The following DGKG variants were observed in gnomAD, a reference collection of about 807,000 sequenced individuals.
DGKG encodes DAG kinase gamma.
DGKG carries 78 observed loss-of-function variants against 105.3 expected under a neutral mutation model. That is an observed-to-expected ratio of 0.74 (90% CI 0.62 to 0.89). The LOEUF is 0.89. Among genes scored for constraint, DGKG ranks in the 40% least tolerant of loss-of-function variants. DGKG has a pLI of 0.00. For synonymous variants in DGKG, 346 were observed against 367.1 expected, an observed-to-expected ratio of 0.94 and a Z score of 0.66; for missense variants, 958 against 1,020.1, an observed-to-expected ratio of 0.94 and a Z score of 0.83.
intron 20 of DGKG, among the ~76,000 whole-genome samples, chr3:186,230,017 T>C (rs1720068740): frequency 6.6e-6 from 1 of 152,090 alleles, no homozygotes; most frequent in Non-Finnish European, 1.5e-5. Flanking sequence ...CTCAGCACTT[T>C]GGGAGGCCGA....
At chr3:186,241,974 C>T (rs1720707846) in intron 20 of DGKG, among the ~76,000 whole-genome samples, 1 of 152,198 alleles carries the variant, frequency 6.6e-6, no homozygotes, top group African/African-American at 2.4e-5. Flanking sequence ...GGGTCTCCAG[C>T]CTTTGCAGGT....
rs771377792 is a variant in DGKG at position 186,251,947 on chromosome 3, C to G, written c.1601-28G>C. 2.0e-6 allele frequency: 3 copies of G among 1,521,832 alleles called. No homozygotes were observed. The East Asian group carries it at 7.0e-5, about 36-fold the overall frequency. The allele number at this position is 1,521,832 out of a possible 1,614,324, so 94.3% of individuals were successfully genotyped here. On this transcript the variant is annotated intron_variant, in intron 18 of 24. Coordinates refer to ENST00000265022, the MANE Select transcript of DGKG (RefSeq NM_001346.3). ...GTGGAGGACAGCACTGCATTTGCCA[C>G]CACAGCAGAAAGGCTGTATTCTTGC...
intron 4 of DGKG, 145 bp from the exon 5 acceptor site, chr3:186,297,628 T>C: frequency 4.6e-6 from 3 of 653,308 alleles, no homozygotes; most frequent in Admixed American, 5.2e-5. Flanking sequence ...CATGCTCGCT[T>C]ATTGGGATTG....
intron 22 of DGKG, among the ~76,000 whole-genome samples, chr3:186,167,313 ATCTTTCCT>A (rs1336238335): frequency 1.3e-5 from 2 of 152,216 alleles, no homozygotes; most frequent in Non-Finnish European, 2.9e-5. Flanking sequence ...TGCCGAACTC[ATCTTTCCT>A]TCTACTTCCT....
At chr3:186,164,765 C>A in intron 23 of DGKG, 133 bp downstream of exon 23, 1 of 1,124,738 alleles carries the variant, frequency 8.9e-7, no homozygotes, top group Non-Finnish European at 1.2e-6. Flanking sequence ...CAAAGACGTT[C>A]TTTACAAACA....
intron 24 of DGKG, chr3:186,161,142 C>T (rs891384513): frequency 1.0e-6 from 1 of 987,642 alleles, no homozygotes; most frequent in East Asian, 1.1e-4. Flanking sequence ...CTCCCGGGAG[C>T]TCCAGCAGTC....
chr3:186,251,843 A>G lies in DGKG; in HGVS notation c.1677T>C (p.His559=). Residue 559 remains histidine, a synonymous_variant, in exon 19 of 25, where the codon CAT becomes CAC. Transcript: ENST00000265022. ...CTTCCTCTCTGGGGATGACTTCCAG[A>G]TGCCAGCGGTCCAGCATCACCAAGG... The part of the protein sequence containing the change: ...QSPLVMLDRW[H]LEVIPREEVE... 1 of 1,613,548 alleles carries G rather than the reference A, an allele frequency of 6.2e-7. No homozygotes were observed. The highest frequency in any genetic ancestry group is 1.1e-5 in the South Asian group (1 of 91,006).
chr3:186,316,646 T>A (rs1236893897), intron 2 of DGKG, among the ~76,000 whole-genome samples: 1 of 152,200 alleles, frequency 6.6e-6, no homozygotes, highest in Non-Finnish European at 1.5e-5. Flanking sequence ...AAAGTTAAGT[T>A]ACTTGTCTCC....
chr3:186,258,294 C>T (rs780485684), intron 16 of DGKG, among the ~76,000 whole-genome samples: 8 of 152,212 alleles, frequency 5.3e-5, no homozygotes, highest in Non-Finnish European at 8.8e-5. Flanking sequence ...CCTGCCTGCT[C>T]TGTCCTGACA....
At position 186,149,458 on chromosome 3, in the gene DGKG, G is replaced by C. The variant is rs1055697686; in HGVS notation, c.*632C>G. On this transcript the variant is annotated 3_prime_UTR_variant, in exon 25 of 25. Coordinates refer to ENST00000265022, the MANE Select transcript of DGKG (RefSeq NM_001346.3). ...GGAAAATAACAAGTGCCCACCGACG[G>C]CGCAGAAACCCAAGAATGGAAATAC... 4.1e-5 allele frequency: 40 copies of C among 985,336 alleles called. No homozygotes were observed. The highest frequency in any genetic ancestry group is 4.8e-5 in the Non-Finnish European group (40 of 829,954). The allele number at this position is 985,336 out of a possible 1,614,324, so 61.0% of individuals were successfully genotyped here.
At chr3:186,264,885 A>C (rs1721968754) in intron 14 of DGKG, among the ~76,000 whole-genome samples, 1 of 152,248 alleles carries the variant, frequency 6.6e-6, no homozygotes, top group Non-Finnish European at 1.5e-5. Context: ...ATTTTGGCAG[A>C]TCATGTTCTG....
At chr3:186,220,012 TA>T in intron 20 of DGKG, among the ~76,000 whole-genome samples, 1 of 152,240 alleles carries the variant, frequency 6.6e-6, no homozygotes, top group Non-Finnish European at 1.5e-5. Flanking sequence ...TGTCTTAATG[TA>T]AAATAGTATT....
intron 5 of DGKG, among the ~76,000 whole-genome samples, chr3:186,292,970 C>T (rs762112474): frequency 2.0e-5 from 3 of 152,232 alleles, no homozygotes; most frequent in Non-Finnish European, 4.4e-5. Context: ...TTTAAAAACA[C>T]ATTTTTTAGA....
chr3:186,196,100 T>C (rs1291242973), intron 21 of DGKG, among the ~76,000 whole-genome samples: 3 of 151,848 alleles, frequency 2.0e-5, no homozygotes, highest in Admixed American at 2.0e-4. Flanking sequence ...TTATTTCTCG[T>C]ATAGTCTCTT....
intron 1 of DGKG, among the ~76,000 whole-genome samples, chr3:186,321,107 G>A (rs1356481455): frequency 1.3e-5 from 2 of 152,212 alleles, no homozygotes; most frequent in Non-Finnish European, 2.9e-5. Flanking sequence ...TAGCTCTGGT[G>A]AGCCATTCTG....
At chr3:186,161,341 G>A in intron 24 of DGKG, 1 of 1,325,846 alleles carries the variant, frequency 7.5e-7, no homozygotes, top group Non-Finnish European at 9.7e-7. Context: ...TCACTGACTA[G>A]AACTGTGAAC....
chr3:186,225,328 A>G (rs1408550299), intron 20 of DGKG, among the ~76,000 whole-genome samples: 1 of 152,004 alleles, frequency 6.6e-6, no homozygotes, highest in Non-Finnish European at 1.5e-5. Context: ...ATTCTCCTCA[A>G]GCCCATTCAT....
In DGKG at chr3:186,155,572, C is replaced by T. The variant is rs772057249; in HGVS notation, c.2278-5384G>A. The stretch of plus-strand genomic sequence containing the variant: ...TTTTTGCAATGATAAGTAATGTAGA[C>T]GTGACATTCTTATATATCAATCTCT... On this transcript the variant is annotated intron_variant, in intron 24 of 24. Transcript: ENST00000265022. Among the ~76,000 whole-genome samples the T allele has an allele frequency of 9.9e-5, 15 of 152,184 alleles. No individual in the cohort carries two copies. In the East Asian group the frequency reaches 2.5e-3, roughly 25 times the overall value.
At chr3:186,202,175 T>G (rs1434150273) in intron 21 of DGKG, among the ~76,000 whole-genome samples, 3 of 152,252 alleles carry the variant, frequency 2.0e-5, no homozygotes, top group Admixed American at 2.0e-4. Flanking sequence ...TGGTAAGTAC[T>G]CAGTAAGTTG....
Sources: allele counts gnomAD v4.1 joint callset (sites outside exome capture counted in the v4.1 genomes callset), GRCh38; gene constraint gnomAD v4.1.1; transcripts MANE v1.5; gene names NCBI Gene and HGNC (gene_info 2026-07-23, HGNC 2026-07-21).